FAM50A: variants seen among roughly 807,000 people sequenced by gnomAD.
The protein encoded by FAM50A is protein FAM50A.
FAM50A carries 6 observed loss-of-function variants against 35.5 expected under a neutral mutation model. The observed-to-expected ratio is 0.17, with a 90% CI of 0.09 to 0.33. FAM50A has a LOEUF of 0.33. FAM50A is among the 10% of genes least tolerant of loss of function. FAM50A has a pLI of 1.00. For synonymous variants in FAM50A, 120 were observed against 110.9 expected, an observed-to-expected ratio of 1.08 and a Z score of -0.52; for missense variants, 145 against 295.5, an observed-to-expected ratio of 0.49 and a Z score of 3.73.
At position 154,450,058 on chromosome X, in the gene FAM50A, G is replaced by A. The variant is rs1557200364; in HGVS notation, c.859G>A (p.Asp287Asn). ...GPLFNFDVHD[D>N]VRLLSDATVE... is the part of the protein sequence containing the mutation. ...ACTCTTCAACTTTGATGTTCATGACGATGTGCGGTTGCTCAGTGACGCCAC... is the reference window on the plus strand; with the variant it reads ...ACTCTTCAACTTTGATGTTCATGACAATGTGCGGTTGCTCAGTGACGCCAC... Residue 287 changes from aspartate (D) to asparagine (N), a missense_variant, in exon 11 of 13, where the codon GAT becomes AAT. Around this residue, in one of 5 missense-constraint regions of FAM50A, gnomAD observed 59 missense variants for 164.5 expected, o/e 0.36. Coordinates refer to ENST00000393600, the MANE Select transcript of FAM50A (RefSeq NM_004699.4). The A allele has an allele frequency of 8.3e-7, 1 of 1,211,247 alleles. No individual in the cohort carries two copies.
At position 154,446,578 on chromosome X, in the gene FAM50A, T is replaced by TCGGAGCCCCGCC; in HGVS notation, c.442+21_442+32dup. ...AAGGGAAGGTGAGGGCTGGCTTGAG[T>TCGGAGCCCCGCC]CGGAGCCCCGCCCGCAGCCCCTGGG... On this transcript the variant is annotated intron_variant, in intron 4 of 12. Transcript: ENST00000393600. 8.8e-7 allele frequency: 1 copy of TCGGAGCCCCGCC among 1,130,392 alleles called. No individual in the cohort carries two copies. Among genetic ancestry groups the TCGGAGCCCCGCC allele is most frequent in the Non-Finnish European group, 1.2e-6 (1 of 853,349 alleles). 93.2% of individuals were successfully genotyped at this position (1,130,392 alleles called of 1,213,427 possible).
intron 7 of FAM50A, 132 bp downstream of exon 7, chrX:154,449,086 C>G (rs1413873979): frequency 1.6e-5 from 14 of 889,887 alleles, no homozygotes; most frequent in Admixed American, 2.6e-5. Context: ...GGCCTGGCCC[C>G]CTGTCTGGGG....
intron 8 of FAM50A, 106 bp downstream of exon 8, chrX:154,449,403 C>A: frequency 1.5e-6 from 1 of 648,318 alleles, no homozygotes; most frequent in Non-Finnish European, 2.5e-6. Flanking sequence ...AAGCAAGCAG[C>A]GTGCTGGGCA....
chrX:154,446,104 G>GTCT (rs1557199789), intron 3 of FAM50A, among the ~76,000 whole-genome samples, 193 bp downstream of exon 3: 1 of 112,515 alleles, frequency 8.9e-6, no homozygotes, highest in Non-Finnish European at 1.9e-5. Flanking sequence ...ATGGCGGCTT[G>GTCT]TCTTCTTTCT....
intron 8 of FAM50A, 127 bp from the exon 9 acceptor site, chrX:154,449,554 C>A: frequency 1.7e-6 from 1 of 590,627 alleles, no homozygotes; most frequent in Non-Finnish European, 2.7e-6. Context: ...AACCATGGAG[C>A]TTCCCTCACA....
chrX:154,450,117 G>A lies in FAM50A; in HGVS notation c.900+18G>A, dbSNP rs782769485. Reference sequence around the variant, plus strand: ...AGGATGAGGTACAGCGTAGGGGGCCGTGTGAGGGGGAACGGGTGTCCCTGG... The same window carrying A: ...AGGATGAGGTACAGCGTAGGGGGCCATGTGAGGGGGAACGGGTGTCCCTGG... On this transcript the variant is annotated intron_variant, in intron 11 of 12. Transcript: ENST00000393600. 27 of 1,204,965 alleles carry A rather than the reference G, an allele frequency of 2.2e-5. No individual in the cohort carries two copies. Among genetic ancestry groups the A allele is most frequent in the East Asian group, 3.0e-5 (1 of 33,814 alleles).
intron 1 of FAM50A, 25 bp downstream of exon 1, chrX:154,444,371 A>G (rs1557199551): frequency 1.1e-6 from 1 of 920,248 alleles, no homozygotes; most frequent in Non-Finnish European, 1.4e-6. Flanking sequence ...GCCTCGGAGC[A>G]TGCGCGCTGC....
At chrX:154,449,152 T>C (rs954579182) in intron 7 of FAM50A, 69 bp from the exon 8 acceptor site, 14 of 1,010,717 alleles carry the variant, frequency 1.4e-5, no homozygotes, top group East Asian at 6.1e-5. Flanking sequence ...CCTCTGGGCC[T>C]CTGCCTTGTT....
At chrX:154,449,801 G>A (rs2068797522) in intron 9 of FAM50A, 66 bp downstream of exon 9, 1 of 1,186,001 alleles carries the variant, frequency 8.4e-7, no homozygotes, top group African/African-American at 1.8e-5. Context: ...CAGGCTGGTG[G>A]GGGCAGTGTG....
chrX:154,445,499 C>G (rs1466203000), intron 1 of FAM50A, 134 bp from the exon 2 acceptor site: 1 of 517,872 alleles, frequency 1.9e-6, no homozygotes, highest in Non-Finnish European at 3.4e-6. Context: ...TTTGAAGAGC[C>G]CTGCCCAGCC....
chrX:154,449,995 A>G, intron 10 of FAM50A, 34 bp from the exon 11 acceptor site: 1 of 1,208,660 alleles, frequency 8.3e-7, no homozygotes, highest in Admixed American at 2.2e-5. Context: ...CTGGGGCAGC[A>G]GCGGGACATT....
chrX:154,444,258 C>T lies in FAM50A; in HGVS notation c.23C>T (p.Ala8Val). 1 of 1,081,105 alleles carries T rather than the reference C, an allele frequency of 9.2e-7. No homozygotes were observed. The highest frequency in any genetic ancestry group is 1.2e-6 in the Non-Finnish European group (1 of 827,142). The allele number at this position is 1,081,105 out of a possible 1,213,427, so 89.1% of individuals were successfully genotyped here. A position where few individuals can be genotyped will look rare whatever the true frequency, so the allele number is the denominator to read the frequency against. Residue 8 changes from alanine to valine, a missense_variant, in exon 1 of 13, where the codon GCG becomes GTG. This residue lies in a region of FAM50A where 4 missense variants were observed against 16.6 expected (regional missense o/e 0.24). Transcript: ENST00000393600. MAQYKGA[A>V]SEAGRAMHLM... is the part of the protein sequence containing the mutation. ...GCCATGGCTCAATACAAGGGCGCCG[C>T]GAGCGAGGCCGGCCGCGCCATGCAC...
intron 1 of FAM50A, chrX:154,444,610 A>G (rs1477600649): frequency 5.9e-6 from 1 of 170,263 alleles, no homozygotes; most frequent in Non-Finnish European, 1.1e-5. Flanking sequence ...GAGCCGAGCC[A>G]GTGTTTCTGT....
Position 154,444,178 on chromosome X carries a change from G to T in FAM50A, c.-58G>T. ...GGCCGCCACCGCCGCTGCCGCTGCC[G>T]CTGTCGCTGTCGCCGCCGCCGCCGC... is the stretch of plus-strand genomic sequence containing the variant. On this transcript the variant is annotated 5_prime_UTR_variant, in exon 1 of 13. Coordinates refer to ENST00000393600, the MANE Select transcript of FAM50A (RefSeq NM_004699.4). The T allele has an allele frequency of 2.4e-6, 1 of 410,464 alleles. No homozygotes were observed. 33.8% of individuals were successfully genotyped at this position (410,464 alleles called of 1,213,427 possible). A position where few individuals can be genotyped will look rare whatever the true frequency, so the allele number is the denominator to read the frequency against.
intron 4 of FAM50A, 53 bp from the exon 5 acceptor site, chrX:154,448,431 A>G: frequency 1.8e-6 from 2 of 1,093,052 alleles, no homozygotes; most frequent in Non-Finnish European, 2.5e-6. Context: ...CGTCGGCCAT[A>G]TCAAAATCAT....
At chrX:154,448,983 C>T (rs782557656) in intron 7 of FAM50A, 29 bp downstream of exon 7, 1 of 1,166,865 alleles carries the variant, frequency 8.6e-7, no homozygotes, top group Non-Finnish European at 1.2e-6. Flanking sequence ...GCTTCCTGCT[C>T]ACCATGGGCC....
In FAM50A at chrX:154,444,186, TGTCGCCGCCGCCGCCGCCC is replaced by T. The variant is rs1569553516; in HGVS notation, c.-48_-30del. ...CCGCCGCTGCCGCTGCCGCTGTCGC[TGTCGCCGCCGCCGCCGCCC>T]GCCGCCGCCGCCGCCGCCGCCGCCG... is the stretch of plus-strand genomic sequence containing the variant. On this transcript the variant is annotated 5_prime_UTR_variant, in exon 1 of 13. Coordinates refer to ENST00000393600, the MANE Select transcript of FAM50A (RefSeq NM_004699.4). 1 of 480,119 alleles carries T rather than the reference TGTCGCCGCCGCCGCCGCCC, an allele frequency of 2.1e-6. No homozygotes were observed. The highest frequency in any genetic ancestry group is 2.6e-6 in the Non-Finnish European group (1 of 389,074). 39.6% of individuals were successfully genotyped at this position (480,119 alleles called of 1,213,427 possible).
intron 1 of FAM50A, 156 bp downstream of exon 1, chrX:154,444,502 G>T: frequency 4.0e-6 from 1 of 248,199 alleles, no homozygotes; most frequent in East Asian, 6.8e-5. Flanking sequence ...AGGGCACACA[G>T]AAGCAAGCCA....
chrX:154,448,846 G>A (rs1401913882), intron 6 of FAM50A, 47 bp from the exon 7 acceptor site: 2 of 1,193,877 alleles, frequency 1.7e-6, no homozygotes, highest in East Asian at 5.9e-5. Flanking sequence ...GAGCCCCAAG[G>A]CTGCTCTCAG....
Sources: allele counts gnomAD v4.1 joint callset (sites outside exome capture counted in the v4.1 genomes callset), GRCh38; gene constraint gnomAD v4.1.1; regional missense constraint gnomAD v4.1.1; transcripts MANE v1.5; gene names NCBI Gene and HGNC (gene_info 2026-07-23, HGNC 2026-07-21).